Variants in FAM241A observed in about 807,000 individuals in gnomAD.
FAM241A encodes uncharacterized protein FAM241A.
In FAM241A, 7 loss-of-function variants were observed where a neutral mutation model predicts 12.2. The ratio of observed to expected loss-of-function variants is 0.58; its 90% confidence interval spans 0.33 to 1.08. FAM241A has a LOEUF of 1.08. Ranked by LOEUF, FAM241A falls within the 50% of genes least tolerant of loss-of-function variation. FAM241A has a pLI of 0.04. For synonymous variants in FAM241A, 74 were observed against 68.2 expected, an observed-to-expected ratio of 1.08 and a Z score of -0.42; for missense variants, 161 against 169.7, an observed-to-expected ratio of 0.95 and a Z score of 0.29.
intron 1 of FAM241A, among the ~76,000 whole-genome samples, chr4:112,164,489 C>A (rs375615337): frequency 7.8e-6 from 1 of 127,544 alleles, no homozygotes; most frequent in Non-Finnish European, 1.9e-5. Context: ...AGGAGATACA[C>A]CTAATGTAAA....
In FAM241A at chr4:112,193,868, T is replaced by C. The variant is rs1207636433; in HGVS notation, c.*6930T>C. 10 of 148,952 alleles carry C rather than the reference T, an allele frequency of 6.7e-5. No individual in the cohort carries two copies. The highest frequency in any genetic ancestry group is 1.5e-4 in the Non-Finnish European group (10 of 66,934). 9.2% of individuals were successfully genotyped at this position (148,952 alleles called of 1,614,324 possible). A position where few individuals can be genotyped will look rare whatever the true frequency, so the allele number is the denominator to read the frequency against. On this transcript the variant is annotated 3_prime_UTR_variant, in exon 2 of 2. Coordinates refer to ENST00000309733, the MANE Select transcript of FAM241A (RefSeq NM_152400.3). ...TTCCATATGAACTTTAAAGTAGTTT[T>C]TTCCAATTCTGTGAAGAAAGTCATT...
intron 1 of FAM241A, among the ~76,000 whole-genome samples, chr4:112,169,099 C>T (rs911499551): frequency 6.6e-6 from 1 of 152,198 alleles, no homozygotes; most frequent in Admixed American, 6.5e-5. Flanking sequence ...CTTAAAACTC[C>T]TATCCTAAAA....
intron 1 of FAM241A, among the ~76,000 whole-genome samples, chr4:112,183,681 T>C (rs1293887139): frequency 6.7e-6 from 1 of 148,598 alleles, no homozygotes; most frequent in Non-Finnish European, 1.5e-5. Context: ...TTACAAGAAA[T>C]TGGGAAGAGT....
At position 112,188,714 on chromosome 4, in the gene FAM241A, T is replaced by G. The variant is rs1362768536; in HGVS notation, c.*1776T>G. On this transcript the variant is annotated 3_prime_UTR_variant, in exon 2 of 2. Coordinates refer to ENST00000309733, the MANE Select transcript of FAM241A (RefSeq NM_152400.3). The stretch of plus-strand genomic sequence containing the variant: ...CATTTTTTTCTAATGCTACTGGAAA[T>G]TTTACTTTTCCTTTGCAACACATAA... 6.6e-6 allele frequency: 1 copy of G among 152,098 alleles called. No homozygotes were observed. The highest frequency in any genetic ancestry group is 1.5e-5 in the Non-Finnish European group (1 of 68,000). The allele number at this position is 152,098 out of a possible 1,614,324, so 9.4% of individuals were successfully genotyped here.
intron 1 of FAM241A, among the ~76,000 whole-genome samples, chr4:112,181,813 T>G (rs1291777356): frequency 6.6e-6 from 1 of 152,178 alleles, no homozygotes; most frequent in Non-Finnish European, 1.5e-5. Context: ...GAGACCCAGA[T>G]AGAAGCCAGA....
chr4:112,175,434 T>C (rs1723799872), intron 1 of FAM241A, among the ~76,000 whole-genome samples: 2 of 152,170 alleles, frequency 1.3e-5, no homozygotes, highest in Non-Finnish European at 2.9e-5. Context: ...GGCTAGAGCT[T>C]TCATTGGCCT....
In FAM241A at chr4:112,190,575, T is replaced by C. The variant is rs1398942034; in HGVS notation, c.*3637T>C. The C allele has an allele frequency of 6.7e-6, 1 of 150,230 alleles. No homozygotes were observed. Among genetic ancestry groups the C allele is most frequent in the African/African-American group, 2.5e-5 (1 of 40,706 alleles). The allele number at this position is 150,230 out of a possible 1,614,324, so 9.3% of individuals were successfully genotyped here. A position where few individuals can be genotyped will look rare whatever the true frequency, so the allele number is the denominator to read the frequency against. ...TTAGCTAGGCGTGGTGGTGCATGCC[T>C]GTAATCTCAGCTACTCAGGAGGCTG... On this transcript the variant is annotated 3_prime_UTR_variant, in exon 2 of 2. Coordinates refer to ENST00000309733, the MANE Select transcript of FAM241A (RefSeq NM_152400.3).
At chr4:112,156,775 A>G (rs1361643259) in intron 1 of FAM241A, among the ~76,000 whole-genome samples, 1 of 152,186 alleles carries the variant, frequency 6.6e-6, no homozygotes, top group African/African-American at 2.4e-5. Flanking sequence ...TTAGTTGTGC[A>G]TTGAGCTTAA....
chr4:112,150,653 A>G (rs1723229026), intron 1 of FAM241A, among the ~76,000 whole-genome samples: 2 of 151,860 alleles, frequency 1.3e-5, no homozygotes, highest in African/African-American at 2.4e-5. Context: ...TGGGGGGTTC[A>G]GTGAGGGGGG....
At chr4:112,181,944 A>T (rs1218542389) in intron 1 of FAM241A, among the ~76,000 whole-genome samples, 2 of 152,128 alleles carry the variant, frequency 1.3e-5, no homozygotes, top group East Asian at 3.9e-4. Flanking sequence ...TGGTATATAG[A>T]TTATAGGGGA....
chr4:112,147,872 G>A (rs913852883), intron 1 of FAM241A, among the ~76,000 whole-genome samples: 1 of 152,008 alleles, frequency 6.6e-6, no homozygotes, highest in Non-Finnish European at 1.5e-5. Flanking sequence ...ATGAGACAGA[G>A]GCCATCTTCC....
intron 1 of FAM241A, among the ~76,000 whole-genome samples, chr4:112,153,710 C>A (rs1373272350): frequency 6.6e-6 from 1 of 152,140 alleles, no homozygotes; most frequent in Non-Finnish European, 1.5e-5. Flanking sequence ...CTTATCTTGG[C>A]ATAGGAAGAG....
At chr4:112,146,447 G>A (rs1402282527) in intron 1 of FAM241A, among the ~76,000 whole-genome samples, 2 of 152,140 alleles carry the variant, frequency 1.3e-5, no homozygotes, top group Admixed American at 1.3e-4. Flanking sequence ...GTGTGATAAT[G>A]GGCATTATAA....
chr4:112,175,566 G>A (rs1357737408), intron 1 of FAM241A, among the ~76,000 whole-genome samples: 1 of 152,010 alleles, frequency 6.6e-6, no homozygotes, highest in African/African-American at 2.4e-5. Flanking sequence ...TCAGGAGTTC[G>A]AGACCAGCCT....
intron 1 of FAM241A, among the ~76,000 whole-genome samples, chr4:112,152,100 G>GT (rs1723255633): frequency 6.6e-6 from 1 of 152,170 alleles, no homozygotes; most frequent in African/African-American, 2.4e-5. Flanking sequence ...AGTCACTAGA[G>GT]TAACTCAGGG....
intron 1 of FAM241A, among the ~76,000 whole-genome samples, chr4:112,169,430 A>G (rs111587597): frequency 8.5e-5 from 13 of 152,346 alleles, no homozygotes; most frequent in African/African-American, 3.1e-4. Context: ...ACTTGCGTGC[A>G]TGAATAAGAG....
At chr4:112,148,614 A>T (rs74716948) in intron 1 of FAM241A, among the ~76,000 whole-genome samples, 8,963 of 152,276 alleles carry the variant, frequency 0.059, 340 homozygotes, top group Middle Eastern at 0.092. Context: ...GGTTTGAAAT[A>T]GGATCAGGTG....
rs1560586932 is a variant in FAM241A at position 112,186,680 on chromosome 4, T to TC, written c.154-13_154-12insC. 1.3e-6 allele frequency: 2 copies of TC among 1,580,638 alleles called. No homozygotes were observed. Among genetic ancestry groups the TC allele is most frequent in the South Asian group, 2.4e-5 (2 of 84,772 alleles). On this transcript the variant is annotated splice_polypyrimidine_tract_variant and intron_variant, in intron 1 of 1. Coordinates refer to ENST00000309733, the MANE Select transcript of FAM241A (RefSeq NM_152400.3). ...GTTATGTTCATGTTTTGTCTTTTTT[T>TC]TTTTTTTTAAAGGATGTTGAAGACT... is the stretch of plus-strand genomic sequence containing the variant.
At chr4:112,171,731 C>T (rs1165390162) in intron 1 of FAM241A, among the ~76,000 whole-genome samples, 5 of 151,908 alleles carry the variant, frequency 3.3e-5, no homozygotes, top group Non-Finnish European at 4.4e-5. Flanking sequence ...TGGTGGCGGG[C>T]GCCTGTAGTC....
Sources: allele counts gnomAD v4.1 joint callset (sites outside exome capture counted in the v4.1 genomes callset), GRCh38; gene constraint gnomAD v4.1.1; transcripts MANE v1.5; gene names NCBI Gene and HGNC (gene_info 2026-07-23, HGNC 2026-07-21).